The following RERE variants were observed in gnomAD, a reference collection of about 807,000 sequenced individuals.
The protein encoded by RERE is arginine-glutamic acid dipeptide repeats, also known as arginine-glutamic acid dipeptide repeats protein.
In RERE, 40 loss-of-function variants were observed where a neutral mutation model predicts 146.1. The ratio of observed to expected loss-of-function variants is 0.27; its 90% CI spans 0.21 to 0.36. RERE has a LOEUF of 0.36. RERE is among the 10% of genes least tolerant of loss of function. RERE has a pLI of 1.00. For missense variants in RERE, 1,933 were observed against 2,138.7 expected (o/e 0.90, Z 1.90); for synonymous variants, 1,003 against 866.0 (o/e 1.16, Z -2.78).
At chr1:8,721,902 A>G (rs1255264378) in intron 1 of RERE, among the ~76,000 whole-genome samples, 1 of 152,232 alleles carries the variant, frequency 6.6e-6, no homozygotes, top group Non-Finnish European at 1.5e-5. Flanking sequence ...ACAGTCAGCT[A>G]CCAGCATATC....
intron 1 of RERE, chr1:8,753,949 GTTT>G (rs1216930824): frequency 6.6e-6 from 1 of 152,174 alleles, no homozygotes; most frequent in Non-Finnish European, 1.5e-5. Flanking sequence ...AAATGGGCCA[GTTT>G]TTTTCCATGC....
chr1:8,601,626 C>CACA (rs1646627138), intron 4 of RERE, among the ~76,000 whole-genome samples: 2 of 94,914 alleles, frequency 2.1e-5, no homozygotes, highest in Non-Finnish European at 2.0e-5. Context: ...TCCAAGGTCA[C>CACA]CACACACACA....
Position 8,623,124 on chromosome 1 carries a change from T to A in RERE, c.396+1186A>T, listed in dbSNP as rs1349393173. ...GATACTACTTCAGTAGTATTTCAAA[T>A]ACCAATTGTTTGAGGAAAATAACAA... On this transcript the variant is annotated intron_variant, in intron 3 of 22. Coordinates refer to ENST00000400908, the MANE Select transcript of RERE (RefSeq NM_001042681.2). Among the ~76,000 whole-genome samples, 2 of 152,174 alleles carry A rather than the reference T, an allele frequency of 1.3e-5. 1 individual carries two copies. The highest frequency in any genetic ancestry group is 4.1e-4 in the South Asian group (2 of 4,832).
At chr1:8,634,684 T>C (rs1423312667) in intron 2 of RERE, among the ~76,000 whole-genome samples, 1 of 152,226 alleles carries the variant, frequency 6.6e-6, no homozygotes, top group African/African-American at 2.4e-5. Flanking sequence ...TTTGTTGTCA[T>C]TGCTGTTGTT....
chr1:8,565,513 C>A (rs1646143154), intron 4 of RERE, among the ~76,000 whole-genome samples: 1 of 152,130 alleles, frequency 6.6e-6, no homozygotes, highest in African/African-American at 2.4e-5. Context: ...TCATGACCAG[C>A]CTGGCCAACA....
intron 10 of RERE, among the ~76,000 whole-genome samples, chr1:8,470,801 T>C (rs1644672856): frequency 7.2e-6 from 1 of 138,942 alleles, no homozygotes; most frequent in Non-Finnish European, 1.5e-5. Context: ...TGAGACATCT[T>C]TAAAGAAATA....
intron 9 of RERE, 33 bp downstream of exon 9, chr1:8,497,372 T>C (rs766176538): frequency 5.0e-6 from 8 of 1,613,332 alleles, no homozygotes; most frequent in Non-Finnish European, 6.8e-6. Context: ...ATGGTCTAAT[T>C]CAGAAAGCAG....
In RERE at chr1:8,804,586, T is replaced by C. The variant is rs541529594; in HGVS notation, c.-145+12574A>G. Among the ~76,000 whole-genome samples the C allele has an allele frequency of 2.4e-4, 36 of 152,332 alleles. No homozygotes were observed. The East Asian group carries it at 6.4e-3, about 27-fold the overall frequency. ...CTTTCTAGCTTCTCTTGCAGTTATG[T>C]GTGACCTTGTGATTCCGTTATAATC... On this transcript the variant is annotated intron_variant, in intron 1 of 22. Coordinates refer to ENST00000400908, the MANE Select transcript of RERE (RefSeq NM_001042681.2).
At chr1:8,628,177 T>G (rs140328414) in intron 2 of RERE, among the ~76,000 whole-genome samples, 2 of 152,160 alleles carry the variant, frequency 1.3e-5, no homozygotes, top group African/African-American at 4.8e-5. Context: ...AATGGGTGAG[T>G]GCATCAAGTG....
intron 1 of RERE, among the ~76,000 whole-genome samples, chr1:8,811,631 G>A (rs7520572): frequency 0.23 from 34,587 of 152,104 alleles, 4,186 homozygotes; most frequent in Admixed American, 0.27. Context: ...ACTTCTGGGA[G>A]CCTAGGGAAC....
intron 12 of RERE, among the ~76,000 whole-genome samples, chr1:8,371,514 T>C (rs199892663): frequency 1.3e-5 from 2 of 152,092 alleles, no homozygotes; most frequent in Non-Finnish European, 2.9e-5. Context: ...AGGAAAAAGC[T>C]AAGGATGCAG....
chr1:8,687,665 A>G (rs1639120532), intron 1 of RERE, among the ~76,000 whole-genome samples: 1 of 152,360 alleles, frequency 6.6e-6, no homozygotes, highest in East Asian at 1.9e-4. Flanking sequence ...TAATGTGTTG[A>G]AAGAGATTAC....
At chr1:8,670,501 A>C (rs1638687550) in intron 1 of RERE, among the ~76,000 whole-genome samples, 1 of 152,184 alleles carries the variant, frequency 6.6e-6, no homozygotes, top group South Asian at 2.1e-4. Context: ...CTACAGACAC[A>C]GTCTGTAAGT....
chr1:8,568,268 C>A (rs1157818652), intron 4 of RERE, among the ~76,000 whole-genome samples: 2 of 152,234 alleles, frequency 1.3e-5, no homozygotes, highest in African/African-American at 4.8e-5. Context: ...GCCCCCCAGG[C>A]TCTCTGGCCT....
chr1:8,591,344 T>C (rs1646490459), intron 4 of RERE, among the ~76,000 whole-genome samples: 1 of 151,062 alleles, frequency 6.6e-6, no homozygotes, highest in East Asian at 1.9e-4. Flanking sequence ...GCAAGAAAAA[T>C]CTTGACCCTC....
rs1325886584 is a variant in RERE at position 8,441,008 on chromosome 1, G to A, written c.1204-18201C>T. The stretch of plus-strand genomic sequence containing the variant: ...AGCTCATGCAGGTTTTTTGTTTTTC[G>A]GGGGGGTGGGGGGGCTGTTTTGCTT... On this transcript the variant is annotated intron_variant, in intron 11 of 22. Transcript: ENST00000400908. Among the ~76,000 whole-genome samples the A allele has an allele frequency of 6.3e-5, 8 of 126,918 alleles. 1 individual carries two copies. The highest frequency in any genetic ancestry group is 3.0e-4 in the South Asian group (1 of 3,352). The allele number at this position is 126,918 out of a possible 152,430, so 83.3% of individuals were successfully genotyped here. A position where few individuals can be genotyped will look rare whatever the true frequency, so the allele number is the denominator to read the frequency against.
Position 8,360,421 on chromosome 1 carries a change from G to GCCT in RERE, c.3085_3086insAGG (p.Val1028_Ala1029insGlu). The GCCT allele has an allele frequency of 3.6e-6, 2 of 557,552 alleles. No homozygotes were observed. The highest frequency in any genetic ancestry group is 4.8e-6 in the Non-Finnish European group (2 of 417,272). The allele number at this position is 557,552 out of a possible 1,614,324, so 34.5% of individuals were successfully genotyped here. ...GTGCTGAGCAAACGGGGGTTGGGGGGCCACCTGGTGGAGGCCTGTAGGGGG... is the reference window on the plus strand; with the variant it reads ...GTGCTGAGCAAACGGGGGTTGGGGGGCCTCCACCTGGTGGAGGCCTGTAGGGGG... On this transcript the variant is annotated inframe_insertion, in exon 18 of 23. Transcript: ENST00000400908.
intron 8 of RERE, among the ~76,000 whole-genome samples, chr1:8,504,440 T>C (rs1645222148): frequency 6.6e-6 from 1 of 152,138 alleles, no homozygotes; most frequent in Non-Finnish European, 1.5e-5. Context: ...AAAAATAAAA[T>C]CCACTGGTAA....
chr1:8,465,307 C>T (rs567209227), intron 11 of RERE: 11 of 171,010 alleles, frequency 6.4e-5, no homozygotes, highest in South Asian at 2.7e-4. Flanking sequence ...TATGTAAAAT[C>T]CAGCATATTT....
Sources: allele counts gnomAD v4.1 joint callset (sites outside exome capture counted in the v4.1 genomes callset), GRCh38; gene constraint gnomAD v4.1.1; transcripts MANE v1.5; gene names NCBI Gene and HGNC (gene_info 2026-07-23, HGNC 2026-07-21).